TBC1D20: variants seen among roughly 807,000 people sequenced by gnomAD.
The protein encoded by TBC1D20 is TBC1 domain family member 20, also known as chromosome 20 open reading frame 140.
A neutral mutation model predicts 41.6 loss-of-function variants in TBC1D20; 12 were observed. That is an observed-to-expected ratio of 0.29 (90% CI 0.18 to 0.47). TBC1D20 has a LOEUF of 0.47. Ranked by LOEUF, TBC1D20 falls within the 20% of genes least tolerant of loss-of-function variation. The probability of loss-of-function intolerance (pLI) is 1.00; values close to 1 mark genes in which losing one functional copy is unlikely to be tolerated. For missense variants in TBC1D20, 421 were observed against 517.4 expected (o/e 0.81, Z 1.81); for synonymous variants, 205 against 204.8 (o/e 1.00, Z -0.01).
intron 2 of TBC1D20, 86 bp from the exon 3 acceptor site, chr20:445,216 A>G: frequency 1.1e-6 from 1 of 945,366 alleles, no homozygotes; most frequent in Non-Finnish European, 1.7e-6. Context: ...CAAAAGGCCT[A>G]GAGGGCACAT....
intron 1 of TBC1D20, among the ~76,000 whole-genome samples, chr20:455,068 G>A (rs1475481213): frequency 6.6e-6 from 1 of 152,158 alleles, no homozygotes; most frequent in Non-Finnish European, 1.5e-5. Flanking sequence ...GGCACTAGCT[G>A]GTTTGGAGCC....
At chr20:448,562 G>A (rs1343165077) in intron 1 of TBC1D20, among the ~76,000 whole-genome samples, 3 of 151,636 alleles carry the variant, frequency 2.0e-5, no homozygotes, top group Non-Finnish European at 4.4e-5. Flanking sequence ...CGTGGTGCTC[G>A]CCTGTAGTCC....
In TBC1D20 at chr20:437,990, T is replaced by C. The variant is rs1199349086; in HGVS notation, c.*596A>G. ...CTTGACTGGAAACGCCCATGTGATTTCTAGGCTGAAAATAGGTAGGATTTA... is the reference window on the plus strand; with the variant it reads ...CTTGACTGGAAACGCCCATGTGATTCCTAGGCTGAAAATAGGTAGGATTTA... On this transcript the variant is annotated 3_prime_UTR_variant, in exon 8 of 8. Transcript: ENST00000354200. 3 of 152,974 alleles carry C rather than the reference T, an allele frequency of 2.0e-5. No homozygotes were observed. The highest frequency in any genetic ancestry group is 4.4e-5 in the Non-Finnish European group (3 of 68,138). 9.5% of individuals were successfully genotyped at this position (152,974 alleles called of 1,614,324 possible). A position where few individuals can be genotyped will look rare whatever the true frequency, so the allele number is the denominator to read the frequency against.
intron 1 of TBC1D20, among the ~76,000 whole-genome samples, chr20:456,933 A>AT (rs11471255): frequency 0.02 from 2,571 of 128,148 alleles, 61 homozygotes; most frequent in African/African-American, 0.062. Flanking sequence ...CCTTCTTTTA[A>AT]TTTTTTTTTT....
chr20:461,847 T>C (rs951678007), intron 1 of TBC1D20, among the ~76,000 whole-genome samples: 2 of 152,268 alleles, frequency 1.3e-5, no homozygotes, highest in East Asian at 3.8e-4. Flanking sequence ...ATCACTGAAC[T>C]GTGCACCTTA....
intron 1 of TBC1D20, among the ~76,000 whole-genome samples, chr20:457,545 T>C (rs924821803): frequency 6.6e-6 from 1 of 152,162 alleles, no homozygotes; most frequent in South Asian, 2.1e-4. Flanking sequence ...AAAGAAAATT[T>C]TGCCACAGGG....
intron 1 of TBC1D20, among the ~76,000 whole-genome samples, chr20:461,506 C>A (rs576915356): frequency 3.9e-5 from 6 of 152,102 alleles, no homozygotes; most frequent in Non-Finnish European, 8.8e-5. Context: ...ATCACAGGCT[C>A]GAGCCTCCAC....
chr20:445,408 C>T (rs574674353), intron 2 of TBC1D20, among the ~76,000 whole-genome samples: 90 of 152,232 alleles, frequency 5.9e-4, no homozygotes, highest in African/African-American at 2.1e-3. Context: ...GGAGGCCAGG[C>T]GCCTCGTGCA....
chr20:454,566 G>C (rs1237354844), intron 1 of TBC1D20, among the ~76,000 whole-genome samples: 2 of 152,126 alleles, frequency 1.3e-5, no homozygotes, highest in African/African-American at 4.8e-5. Flanking sequence ...TTAGGTTTTA[G>C]AAGGGACACC....
intron 1 of TBC1D20, among the ~76,000 whole-genome samples, chr20:448,641 A>G (rs2017383092): frequency 6.7e-6 from 1 of 148,276 alleles, no homozygotes; most frequent in African/African-American, 2.5e-5. Context: ...GTGAGCCGAG[A>G]TCGTGCCACT....
chr20:462,401 G>T lies in TBC1D20; in HGVS notation c.5C>A (p.Ala2Asp). 3 of 1,247,036 alleles carry T rather than the reference G, an allele frequency of 2.4e-6. No homozygotes were observed. The highest frequency in any genetic ancestry group is 3.1e-4 in the Middle Eastern group (1 of 3,252). The allele number at this position is 1,247,036 out of a possible 1,614,324, so 77.2% of individuals were successfully genotyped here. ...GCCGTCGCCCTGCGCACTCCGGAGGGCCATGCCCCGGGGCCCCGGGCCCCC... is the reference window on the plus strand; with the variant it reads ...GCCGTCGCCCTGCGCACTCCGGAGGTCCATGCCCCGGGGCCCCGGGCCCCC... M[A>D]LRSAQGDGPT... The change falls in exon 1 of 8, where the codon GCC (alanine) becomes GAC (aspartate). Residue 2 changes from alanine to aspartate, a missense_variant. Physicochemically the swap from Ala to Asp is moderately radical, Grantham distance 126. Coordinates refer to ENST00000354200, the MANE Select transcript of TBC1D20 (RefSeq NM_144628.4).
intron 2 of TBC1D20, 147 bp downstream of exon 2, chr20:447,742 C>T: frequency 1.9e-6 from 1 of 518,732 alleles, no homozygotes; most frequent in Non-Finnish European, 3.1e-6. Flanking sequence ...GCCTTATTTT[C>T]AGAGTGGGCC....
At chr20:461,106 G>A (rs1465150255) in intron 1 of TBC1D20, among the ~76,000 whole-genome samples, 2 of 152,194 alleles carry the variant, frequency 1.3e-5, no homozygotes, top group African/African-American at 2.4e-5. Context: ...CTCAAAATAT[G>A]TGGGTTGTAT....
Position 439,316 on chromosome 20 carries a change from C to T in TBC1D20, c.769-21G>A. 1 of 1,580,242 alleles carries T rather than the reference C, an allele frequency of 6.3e-7. No homozygotes were observed. Among genetic ancestry groups the T allele is most frequent in the South Asian group, 1.2e-5 (1 of 85,876 alleles). The stretch of plus-strand genomic sequence containing the variant: ...ACAATCTGTGGGGAGGTAGTAAAGC[C>T]TTGCAGTCAGAGGCCAGACACACAG... On this transcript the variant is annotated intron_variant, in intron 6 of 7. Transcript: ENST00000354200. The surrounding 1 kb of genome is among the most constrained non-coding windows in gnomAD (Gnocchi z 4.6).
In TBC1D20 at chr20:440,401, G is replaced by C. The variant is rs1470407520; in HGVS notation, c.627-12C>G. 2 of 1,613,774 alleles carry C rather than the reference G, an allele frequency of 1.2e-6. No individual in the cohort carries two copies. Among genetic ancestry groups the C allele is most frequent in the African/African-American group, 2.7e-5 (2 of 74,916 alleles). On this transcript the variant is annotated splice_polypyrimidine_tract_variant and intron_variant, in intron 5 of 7. Coordinates refer to ENST00000354200, the MANE Select transcript of TBC1D20 (RefSeq NM_144628.4). ...TCCCTACCTCAGCACTAGAAACAAAGGAAAGGCAGGTGTCAGGTCCTGTGG... is the reference window on the plus strand; with the variant it reads ...TCCCTACCTCAGCACTAGAAACAAACGAAAGGCAGGTGTCAGGTCCTGTGG...
intron 2 of TBC1D20, 149 bp from the exon 3 acceptor site, chr20:445,279 G>C: frequency 1.6e-6 from 1 of 644,348 alleles, no homozygotes; most frequent in Admixed American, 2.5e-5. Context: ...ATTTGGCAGG[G>C]AATCCCTAGT....
intron 1 of TBC1D20, among the ~76,000 whole-genome samples, chr20:450,314 A>C (rs573322964): frequency 4.0e-5 from 6 of 150,672 alleles, no homozygotes; most frequent in Non-Finnish European, 7.4e-5. Context: ...ACGCTTTGCT[A>C]ATTTTTTTTT....
intron 1 of TBC1D20, 79 bp from the exon 2 acceptor site, chr20:448,153 GA>G: frequency 2.0e-6 from 2 of 1,012,468 alleles, no homozygotes; most frequent in Non-Finnish European, 1.5e-6. Flanking sequence ...GCTCCTTTTT[GA>G]TATGAGGTAC....
chr20:456,623 G>A lies in TBC1D20; in HGVS notation c.70+5713C>T, dbSNP rs1458796227. ...TTTGTTGCCCAGGCTGGAGCGCAGT[G>A]TTGCGATCTCAGCTCACTGCAACCT... On this transcript the variant is annotated intron_variant, in intron 1 of 7. Transcript: ENST00000354200. Among the ~76,000 whole-genome samples the A allele has an allele frequency of 2.6e-5, 4 of 152,214 alleles. No homozygotes were observed. In the South Asian group the frequency reaches 6.2e-4, roughly 24 times the overall value.
Sources: allele counts gnomAD v4.1 joint callset (sites outside exome capture counted in the v4.1 genomes callset), GRCh38; gene constraint gnomAD v4.1.1; non-coding constraint Gnocchi (gnomAD v3.1); transcripts MANE v1.5; gene names NCBI Gene and HGNC (gene_info 2026-07-23, HGNC 2026-07-21).